MTHFS: variants seen among roughly 807,000 people sequenced by gnomAD.
MTHFS encodes the protein methenyltetrahydrofolate synthetase, also known as 5-formyltetrahydrofolate cyclo-ligase.
Under a neutral mutation model 12.7 loss-of-function variants are expected in MTHFS, and 7 were observed. That is an observed-to-expected ratio of 0.55 (90% CI 0.31 to 1.03). The LOEUF is 1.03. Ranked by LOEUF, MTHFS falls within the 50% of genes least tolerant of loss-of-function variation. The probability of loss-of-function intolerance (pLI) is 0.05; values close to 1 mark genes in which losing one functional copy is unlikely to be tolerated. For synonymous variants in MTHFS, 100 were observed against 97.1 expected, an observed-to-expected ratio of 1.03 and a Z score of -0.18; for missense variants, 252 against 258.1, an observed-to-expected ratio of 0.98 and a Z score of 0.16.
Position 79,845,347 on chromosome 15 carries a change from G to T in MTHFS, c.475C>A (p.Arg159Ser). Residue 159 changes from arginine to serine, a missense_variant, in exon 3 of 3, where the codon CGC (arginine) becomes AGC (serine). Coordinates refer to ENST00000258874, the MANE Select transcript of MTHFS (RefSeq NM_006441.4). ...TTCACTTCCTGATGCTGCAAACAGCGCTTCAGATAGGCATCATAGTAGCCC... is the reference window on the plus strand; with the variant it reads ...TTCACTTCCTGATGCTGCAAACAGCTCTTCAGATAGGCATCATAGTAGCCC... ...GKGYYDAYLKRCLQHQEVKPY... is the reference protein window; with the variant it reads ...GKGYYDAYLKSCLQHQEVKPY... 5 of 1,614,132 alleles carry T rather than the reference G, an allele frequency of 3.1e-6. No individual in the cohort carries two copies. The highest frequency in any genetic ancestry group is 1.3e-5 in the African/African-American group (1 of 75,030).
At chr15:79,872,498 T>A (rs2034124577) in intron 2 of MTHFS, among the ~76,000 whole-genome samples, 1 of 152,264 alleles carries the variant, frequency 6.6e-6, no homozygotes, top group Non-Finnish European at 1.5e-5. Flanking sequence ...TGAACAGTAC[T>A]GCTCCTTGCA....
intron 2 of MTHFS, among the ~76,000 whole-genome samples, chr15:79,865,650 C>T (rs879160485): frequency 6.6e-6 from 1 of 152,194 alleles, no homozygotes; most frequent in Admixed American, 6.5e-5. Context: ...CAGCCCTCAT[C>T]CCTGCTTACC....
intron 1 of MTHFS, among the ~76,000 whole-genome samples, chr15:79,891,332 A>T (rs2034468151): frequency 6.6e-6 from 1 of 152,196 alleles, no homozygotes; most frequent in Non-Finnish European, 1.5e-5. Context: ...CAAAATACAA[A>T]ATAGAAGGAT....
chr15:79,861,852 C>T (rs530150816), intron 2 of MTHFS, among the ~76,000 whole-genome samples: 7 of 152,258 alleles, frequency 4.6e-5, no homozygotes, highest in African/African-American at 1.7e-4. Context: ...AACTCCGATC[C>T]TATCTGTATA....
At position 79,849,675 on chromosome 15, in the gene MTHFS, G is replaced by A. The variant is rs142531490; in HGVS notation, c.380-4233C>T. 3.0e-3 allele frequency among the ~76,000 whole-genome samples: 452 copies of A among 152,330 alleles called. 5 individuals are homozygous for A. The highest frequency in any genetic ancestry group is 0.011 in the African/African-American group (437 of 41,566). On this transcript the variant is annotated intron_variant, in intron 2 of 2. Transcript: ENST00000258874. ...AAATCGCCAAAGACTCATTAATAGC[G>A]TCCACTGACAGTGCAATGTGCAAGA...
intron 2 of MTHFS, among the ~76,000 whole-genome samples, chr15:79,882,527 G>A (rs2034312887): frequency 6.6e-6 from 1 of 152,190 alleles, no homozygotes; most frequent in Non-Finnish European, 1.5e-5. Context: ...CACAGAAGAG[G>A]AGATATGGCA....
chr15:79,882,807 T>C (rs1293497159), intron 2 of MTHFS, among the ~76,000 whole-genome samples: 5 of 152,202 alleles, frequency 3.3e-5, no homozygotes, highest in African/African-American at 1.2e-4. Context: ...ATCACAACTC[T>C]ATGGCTTCCC....
At chr15:79,892,417 A>G (rs906720199) in intron 1 of MTHFS, among the ~76,000 whole-genome samples, 102 of 152,360 alleles carry the variant, frequency 6.7e-4, no homozygotes, top group African/African-American at 2.1e-3. Flanking sequence ...TGATTTGTCA[A>G]AAAAGGAAAA....
intron 1 of MTHFS, among the ~76,000 whole-genome samples, chr15:79,892,032 T>C (rs2034483823): frequency 6.7e-6 from 1 of 148,566 alleles, no homozygotes; most frequent in Admixed American, 6.7e-5. Context: ...ATGGGGGCCA[T>C]GGGTGCTGAG....
chr15:79,895,648 T>C (rs2034554811), intron 1 of MTHFS, among the ~76,000 whole-genome samples: 1 of 152,232 alleles, frequency 6.6e-6, no homozygotes, highest in African/African-American at 2.4e-5. Context: ...GCTAAAATAA[T>C]TCTGTTTGAA....
At chr15:79,896,742 TGC>T in intron 1 of MTHFS, 128 bp downstream of exon 1, 1 of 1,056,310 alleles carries the variant, frequency 9.5e-7, no homozygotes, top group Non-Finnish European at 1.2e-6. Flanking sequence ...AGGGGAAACG[TGC>T]GCGCGCCGGG....
At chr15:79,873,115 C>CAG (rs2034134699) in intron 2 of MTHFS, among the ~76,000 whole-genome samples, 1 of 152,162 alleles carries the variant, frequency 6.6e-6, no homozygotes, top group Non-Finnish European at 1.5e-5. Flanking sequence ...TTTCAGTCCC[C>CAG]ATCCTTCTTT....
intron 2 of MTHFS, among the ~76,000 whole-genome samples, chr15:79,868,527 A>G (rs1373309025): frequency 6.6e-6 from 1 of 152,248 alleles, no homozygotes; most frequent in Non-Finnish European, 1.5e-5. Flanking sequence ...TATTATTTCT[A>G]TGTGTGTCTA....
At chr15:79,857,478 T>C (rs768457091) in intron 2 of MTHFS, among the ~76,000 whole-genome samples, 1 of 152,208 alleles carries the variant, frequency 6.6e-6, no homozygotes, top group Admixed American at 6.5e-5. Context: ...GTACATTATA[T>C]TTCTTCAGCT....
rs1194882652 is a variant in MTHFS, at chr15:79,896,725, CGCCGGG to C, written c.117+141_117+146del. 4,802 of 937,898 alleles carry C rather than the reference CGCCGGG, an allele frequency of 5.1e-3. 154 individuals carry two copies. In the African/African-American group the frequency reaches 0.098, roughly 19 times the overall value. The allele number at this position is 937,898 out of a possible 1,614,324, so 58.1% of individuals were successfully genotyped here. ...AGACCACGACTAGGGGGCGTGCGCG[CGCCGGG>C]AGGGGAAACGTGCGCGCGCCGGGGG... On this transcript the variant is annotated intron_variant, in intron 1 of 2. Transcript: ENST00000258874.
chr15:79,895,802 T>C (rs1567001466), intron 1 of MTHFS, among the ~76,000 whole-genome samples: 1 of 152,228 alleles, frequency 6.6e-6, no homozygotes, highest in Non-Finnish European at 1.5e-5. Context: ...TAGTGAAGGG[T>C]AATTAAGAAA....
intron 2 of MTHFS, among the ~76,000 whole-genome samples, chr15:79,864,564 A>C (rs2033976644): frequency 6.8e-6 from 1 of 147,610 alleles, no homozygotes; most frequent in Non-Finnish European, 1.5e-5. Context: ...AAAAAAAAAA[A>C]AAAAAAAAAA....
At chr15:79,880,129 G>C (rs753369044) in intron 2 of MTHFS, among the ~76,000 whole-genome samples, 1 of 151,622 alleles carries the variant, frequency 6.6e-6, no homozygotes, top group African/African-American at 2.4e-5. Context: ...GAGTGCAGTG[G>C]CATGATCTCA....
At chr15:79,874,512 G>A (rs555234476) in intron 2 of MTHFS, among the ~76,000 whole-genome samples, 17 of 152,198 alleles carry the variant, frequency 1.1e-4, no homozygotes, top group African/African-American at 4.1e-4. Context: ...GCATTGTCAG[G>A]TCTTATCTTT....
Sources: allele counts gnomAD v4.1 joint callset (sites outside exome capture counted in the v4.1 genomes callset), GRCh38; gene constraint gnomAD v4.1.1; transcripts MANE v1.5; gene names NCBI Gene and HGNC (gene_info 2026-07-23, HGNC 2026-07-21).